ZRANB3: variants seen among roughly 807,000 people sequenced by gnomAD.
The protein encoded by ZRANB3 is DNA annealing helicase and endonuclease ZRANB3.
In ZRANB3, 125 loss-of-function variants were observed where a neutral mutation model predicts 133.8. The ratio of observed to expected loss-of-function variants is 0.93; its 90% CI spans 0.81 to 1.08. The LOEUF is 1.08. Ranked by LOEUF, ZRANB3 falls within the 50% of genes least tolerant of loss-of-function variation. ZRANB3 has a pLI of 0.00. For missense variants in ZRANB3, 1,229 were observed against 1,275.5 expected, an observed-to-expected ratio of 0.96 and a Z score of 0.56; for synonymous variants, 387 against 432.7, an observed-to-expected ratio of 0.89 and a Z score of 1.31.
At chr2:135,272,660 G>A (rs932897308) in intron 9 of ZRANB3, among the ~76,000 whole-genome samples, 3 of 151,532 alleles carry the variant, frequency 2.0e-5, no homozygotes, top group Non-Finnish European at 4.4e-5. Context: ...TGATTCCCCC[G>A]CCTCATCGCT....
chr2:135,305,200 T>G (rs1234951720), intron 8 of ZRANB3, among the ~76,000 whole-genome samples: 1 of 152,176 alleles, frequency 6.6e-6, no homozygotes, highest in Non-Finnish European at 1.5e-5. Flanking sequence ...CCTCATATGA[T>G]CCACCTGCCT....
chr2:135,377,166 G>A (rs1308725665), intron 3 of ZRANB3, among the ~76,000 whole-genome samples: 1 of 152,192 alleles, frequency 6.6e-6, no homozygotes, highest in Non-Finnish European at 1.5e-5. Flanking sequence ...AAAGATTACA[G>A]ATACTTAATG....
chr2:135,305,685 T>C (rs1035650719), intron 8 of ZRANB3, among the ~76,000 whole-genome samples: 2 of 152,230 alleles, frequency 1.3e-5, no homozygotes, highest in African/African-American at 2.4e-5. Flanking sequence ...AGTTTTGTAC[T>C]TTCATGTGTT....
At chr2:135,448,815 T>C (rs1292912152) in intron 2 of ZRANB3, among the ~76,000 whole-genome samples, 1 of 152,196 alleles carries the variant, frequency 6.6e-6, no homozygotes, top group Non-Finnish European at 1.5e-5. Flanking sequence ...TGTATACATG[T>C]AAACATGCAC....
intron 6 of ZRANB3, among the ~76,000 whole-genome samples, chr2:135,320,280 A>G (rs760959566): frequency 3.3e-5 from 5 of 152,238 alleles, no homozygotes; most frequent in Non-Finnish European, 7.3e-5. Flanking sequence ...AAATTTGTAA[A>G]TGCATTATCA....
At chr2:135,294,622 T>A (rs956751583) in intron 8 of ZRANB3, among the ~76,000 whole-genome samples, 1 of 152,212 alleles carries the variant, frequency 6.6e-6, no homozygotes, top group Non-Finnish European at 1.5e-5. Context: ...TCTTAGTTAT[T>A]TCTTGCCTTC....
chr2:135,325,874 A>G (rs919131481), intron 6 of ZRANB3, among the ~76,000 whole-genome samples: 4 of 152,238 alleles, frequency 2.6e-5, no homozygotes, highest in African/African-American at 9.6e-5. Flanking sequence ...CAAATATTAG[A>G]AGTTTCTAGA....
At chr2:135,352,584 G>T (rs1286465068) in intron 4 of ZRANB3, among the ~76,000 whole-genome samples, 1 of 152,052 alleles carries the variant, frequency 6.6e-6, no homozygotes, top group Non-Finnish European at 1.5e-5. Context: ...GCATTTCAAG[G>T]TTGAAAGTGA....
intron 2 of ZRANB3, among the ~76,000 whole-genome samples, chr2:135,426,670 A>T (rs1009002542): frequency 1.3e-5 from 2 of 150,110 alleles, no homozygotes; most frequent in African/African-American, 2.4e-5. Context: ...TCTACTAAAA[A>T]ATACAAAAAA....
rs551878493 is a variant in ZRANB3, at chr2:135,287,780, T to C, written c.967-12025A>G. On this transcript the variant is annotated intron_variant, in intron 8 of 20. Coordinates refer to ENST00000264159, the MANE Select transcript of ZRANB3 (RefSeq NM_032143.4). The stretch of plus-strand genomic sequence containing the variant: ...AATGTTACTGATTTGTGTACATCGA[T>C]TTTGTATCCTGAAACTTTACTGAAT... Among the ~76,000 whole-genome samples the C allele has an allele frequency of 1.1e-4, 16 of 151,948 alleles. No individual in the cohort carries two copies. In the South Asian group the frequency reaches 3.1e-3, roughly 30 times the overall value.
At chr2:135,408,868 T>C (rs1424379385) in intron 2 of ZRANB3, among the ~76,000 whole-genome samples, 2 of 152,084 alleles carry the variant, frequency 1.3e-5, no homozygotes, top group African/African-American at 4.8e-5. Flanking sequence ...GAGATATATC[T>C]AATGTTAAAT....
intron 3 of ZRANB3, among the ~76,000 whole-genome samples, chr2:135,389,876 CTTTTTTT>C (rs1165827390): frequency 1.3e-4 from 13 of 102,334 alleles, no homozygotes; most frequent in Admixed American, 2.3e-4. Flanking sequence ...TGCTGTTATT[CTTTTTTT>C]TTTTTTTTTT....
At chr2:135,274,557 T>C (rs1680687000) in intron 9 of ZRANB3, among the ~76,000 whole-genome samples, 1 of 152,252 alleles carries the variant, frequency 6.6e-6, no homozygotes, top group Non-Finnish European at 1.5e-5. Context: ...ATTCACATTA[T>C]AGCCTATCAT....
intron 1 of ZRANB3, among the ~76,000 whole-genome samples, chr2:135,528,064 A>G (rs961380308): frequency 6.6e-6 from 1 of 152,202 alleles, no homozygotes; most frequent in Non-Finnish European, 1.5e-5. Context: ...ATAGTGGTTA[A>G]GAGTTCAGGA....
At chr2:135,328,849 CGTAA>C (rs1376742616) in intron 6 of ZRANB3, among the ~76,000 whole-genome samples, 4 of 152,138 alleles carry the variant, frequency 2.6e-5, no homozygotes, top group East Asian at 3.8e-4. Context: ...CTGTTGGCTG[CGTAA>C]GTGTCTTCTT....
rs577401632 is a variant in ZRANB3, at chr2:135,403,966, A to AAAGACCAAAGGTAGAT, written c.162-13162_162-13147dup. Among the ~76,000 whole-genome samples, 9 of 152,334 alleles carry AAAGACCAAAGGTAGAT rather than the reference A, an allele frequency of 5.9e-5. 1 individual carries two copies. Among genetic ancestry groups the AAAGACCAAAGGTAGAT allele is most frequent in the African/African-American group, 2.2e-4 (9 of 41,580 alleles). ...ATCCCATCGGTACGTCACCATCATC[A>AAAGACCAAAGGTAGAT]AAGACCAAAGGTAGATAAAACCACA... On this transcript the variant is annotated intron_variant, in intron 2 of 20. Coordinates refer to ENST00000264159, the MANE Select transcript of ZRANB3 (RefSeq NM_032143.4).
chr2:135,494,163 A>AAGGAAGGG (rs1236491106), intron 2 of ZRANB3, among the ~76,000 whole-genome samples: 1 of 43,214 alleles, frequency 2.3e-5, no homozygotes, highest in Non-Finnish European at 3.5e-5. Flanking sequence ...GGAAGGAAGG[A>AAGGAAGGG]AGGGAGGGAG....
intron 8 of ZRANB3, among the ~76,000 whole-genome samples, chr2:135,276,615 T>C (rs1680839983): frequency 6.6e-6 from 1 of 152,194 alleles, no homozygotes; most frequent in African/African-American, 2.4e-5. Flanking sequence ...GTAGAAATTG[T>C]GGAAAAAGAT....
Position 135,445,303 on chromosome 2 carries a change from T to A in ZRANB3, c.162-54483A>T, listed in dbSNP as rs150964128. ...TACTAAAAATACAAAAATTAGCTGG[T>A]CATGTTGGCAAACTCCTGTAGTTCC... is the stretch of plus-strand genomic sequence containing the variant. On this transcript the variant is annotated intron_variant, in intron 2 of 20. Transcript: ENST00000264159. Among the ~76,000 whole-genome samples the A allele has an allele frequency of 9.9e-5, 15 of 151,578 alleles. 1 individual carries two copies. The East Asian group carries it at 2.9e-3, about 30-fold the overall frequency.
Sources: gnomAD v4.1 joint callset for allele counts (sites outside exome capture counted in the v4.1 genomes callset) on GRCh38, gnomAD v4.1.1 for gene constraint, MANE v1.5 for transcripts, NCBI Gene and HGNC (gene_info 2026-07-23, HGNC 2026-07-21) for gene names.